Variants in CSMD1 observed in about 807,000 individuals in gnomAD.
CSMD1 encodes the protein CUB and Sushi multiple domains 1, also known as CUB and sushi domain-containing protein 1.
Under a neutral mutation model 417.5 loss-of-function variants are expected in CSMD1, and 213 were observed. That is an observed-to-expected ratio of 0.51 (90% CI 0.46 to 0.57). The LOEUF is 0.57. CSMD1 is among the 20% of genes least tolerant of loss of function. CSMD1 has a pLI of 0.00. For synonymous variants in CSMD1, 2,862 were observed against 1,736.8 expected, an observed-to-expected ratio of 1.65 and a Z score of -16.11; for missense variants, 6,923 against 4,529.7, an observed-to-expected ratio of 1.53 and a Z score of -15.17.
intron 12 of CSMD1, among the ~76,000 whole-genome samples, chr8:3,467,060 C>A (rs963687933): frequency 6.6e-6 from 1 of 152,074 alleles, no homozygotes; most frequent in African/African-American, 2.4e-5. Flanking sequence ...TCATGAAAAG[C>A]CATCTCAGGG....
At chr8:4,555,357 C>T (rs1472564219) in intron 2 of CSMD1, among the ~76,000 whole-genome samples, 1 of 152,092 alleles carries the variant, frequency 6.6e-6, no homozygotes, top group Non-Finnish European at 1.5e-5. Flanking sequence ...ATGGATGGAA[C>T]ATGGGAGGGA....
At chr8:3,291,085 T>G (rs1037376036) in intron 25 of CSMD1, among the ~76,000 whole-genome samples, 9 of 152,216 alleles carry the variant, frequency 5.9e-5, no homozygotes, top group Non-Finnish European at 1.2e-4. Flanking sequence ...GAGATAATCA[T>G]GTGGTTTTTG....
intron 1 of CSMD1, among the ~76,000 whole-genome samples, chr8:4,977,596 T>C (rs1251633264): frequency 6.6e-6 from 1 of 152,140 alleles, no homozygotes; most frequent in Non-Finnish European, 1.5e-5. Flanking sequence ...CTCACTGAAA[T>C]CACTCTCCTG....
intron 2 of CSMD1, among the ~76,000 whole-genome samples, chr8:4,469,848 T>G (rs1382455087): frequency 6.6e-6 from 1 of 151,302 alleles, no homozygotes; most frequent in African/African-American, 2.4e-5. Flanking sequence ...CACACCTACG[T>G]GATCTGGCCT....
intron 3 of CSMD1, among the ~76,000 whole-genome samples, chr8:4,141,504 G>T (rs1411292669): frequency 6.6e-6 from 1 of 151,104 alleles, no homozygotes; most frequent in East Asian, 1.9e-4. Context: ...CAATAATCCT[G>T]AGAGTTATTC....
At position 3,098,895 on chromosome 8, in the gene CSMD1, T is replaced by C. The variant is rs193158367; in HGVS notation, c.6950-1858A>G. On this transcript the variant is annotated intron_variant, in intron 46 of 69. Coordinates refer to ENST00000635120, the MANE Select transcript of CSMD1 (RefSeq NM_033225.6). ...TTAGAGCCAATATACACAATTTTTT[T>C]TTTTTTAAATCTAAAGCACTATGTG... 4.6e-5 allele frequency among the ~76,000 whole-genome samples: 7 copies of C among 152,122 alleles called. No individual in the cohort carries two copies. In the East Asian group the frequency reaches 1.2e-3, roughly 25 times the overall value.
At chr8:3,043,251 G>C (rs960029919) in intron 50 of CSMD1, among the ~76,000 whole-genome samples, 2 of 149,538 alleles carry the variant, frequency 1.3e-5, no homozygotes, top group African/African-American at 4.9e-5. Flanking sequence ...AGGATTATAT[G>C]TACATATAGT....
intron 5 of CSMD1, among the ~76,000 whole-genome samples, chr8:3,806,624 G>T (rs74977414): frequency 0.015 from 2,293 of 152,248 alleles, 61 homozygotes; most frequent in African/African-American, 0.052. Flanking sequence ...AATAATCAAT[G>T]TAAGTCAGCT....
intron 2 of CSMD1, among the ~76,000 whole-genome samples, chr8:4,546,092 A>G (rs1262973870): frequency 6.6e-6 from 1 of 152,172 alleles, no homozygotes; most frequent in Non-Finnish European, 1.5e-5. Flanking sequence ...ACCCAGGTAT[A>G]AATGGAAAGA....
At chr8:3,424,945 C>T (rs993673068) in intron 12 of CSMD1, among the ~76,000 whole-genome samples, 8 of 152,140 alleles carry the variant, frequency 5.3e-5, no homozygotes, top group South Asian at 2.1e-4. Context: ...AGTGATCTTT[C>T]GACCTCAGCC....
intron 1 of CSMD1, among the ~76,000 whole-genome samples, chr8:4,771,381 T>A (rs150911304): frequency 6.6e-6 from 1 of 152,240 alleles, no homozygotes; most frequent in Non-Finnish European, 1.5e-5. Context: ...TCAGGGAAAT[T>A]GCATTGCTAC....
At chr8:3,612,350 T>A (rs1326982718) in intron 8 of CSMD1, among the ~76,000 whole-genome samples, 3 of 152,076 alleles carry the variant, frequency 2.0e-5, no homozygotes, top group African/African-American at 7.2e-5. Context: ...AGATTCACAA[T>A]TTTAGTAGAT....
At chr8:3,011,551 T>C (rs1808383055) in intron 52 of CSMD1, among the ~76,000 whole-genome samples, 1 of 152,220 alleles carries the variant, frequency 6.6e-6, no homozygotes. Flanking sequence ...ATAACCATTA[T>C]ATTGCATTTA....
In CSMD1 at chr8:4,435,271, T is replaced by A. The variant is rs1798088418; in HGVS notation, c.303-15206A>T. On this transcript the variant is annotated intron_variant, in intron 2 of 69. Coordinates refer to ENST00000635120, the MANE Select transcript of CSMD1 (RefSeq NM_033225.6). ...GTATGTTTTATAAGTACTTTGTTAA[T>A]CCACCTACTGTTCACAAATGATTGT... is the stretch of plus-strand genomic sequence containing the variant. Among the ~76,000 whole-genome samples the A allele has an allele frequency of 1.3e-5, 2 of 152,204 alleles. 1 individual carries two copies. Among genetic ancestry groups the A allele is most frequent in the South Asian group, 4.1e-4 (2 of 4,834 alleles).
At chr8:3,104,552 A>G (rs1040689536) in intron 46 of CSMD1, among the ~76,000 whole-genome samples, 1 of 152,200 alleles carries the variant, frequency 6.6e-6, no homozygotes, top group Admixed American at 6.5e-5. Context: ...CAAAAAAAAA[A>G]TCTAAGTTAT....
At position 4,826,713 on chromosome 8, in the gene CSMD1, C is replaced by G. The variant is rs144315555; in HGVS notation, c.85+167619G>C. On this transcript the variant is annotated intron_variant, in intron 1 of 69. Transcript: ENST00000635120. The stretch of plus-strand genomic sequence containing the variant: ...GCTCCTTTCCCTGCGCTCTGCCTTT[C>G]GTGACCCTCATGCCCCATAACCCAA... 2.8e-3 allele frequency among the ~76,000 whole-genome samples: 423 copies of G among 152,246 alleles called. 1 individual carries two copies. Among genetic ancestry groups the G allele is most frequent in the African/African-American group, 9.7e-3 (402 of 41,566 alleles).
At chr8:4,942,336 A>C (rs1328567031) in intron 1 of CSMD1, among the ~76,000 whole-genome samples, 3 of 151,980 alleles carry the variant, frequency 2.0e-5, no homozygotes, top group African/African-American at 7.2e-5. Context: ...CAGATAGAAT[A>C]ACCCATTGCT....
At chr8:3,452,670 C>G (rs1005846414) in intron 12 of CSMD1, among the ~76,000 whole-genome samples, 3 of 152,196 alleles carry the variant, frequency 2.0e-5, no homozygotes, top group African/African-American at 7.2e-5. Context: ...ATGAAACCCA[C>G]TTGATCATGG....
At chr8:3,295,901 A>T (rs981011392) in intron 25 of CSMD1, among the ~76,000 whole-genome samples, 4 of 152,106 alleles carry the variant, frequency 2.6e-5, no homozygotes, top group Non-Finnish European at 5.9e-5. Context: ...ACTCGGCACC[A>T]AGAGTGTACT....
Sources: allele counts gnomAD v4.1 joint callset (sites outside exome capture counted in the v4.1 genomes callset), GRCh38; gene constraint gnomAD v4.1.1; transcripts MANE v1.5; gene names NCBI Gene and HGNC (gene_info 2026-07-23, HGNC 2026-07-21).